Variants in CDH13 observed in about 807,000 individuals in gnomAD.
CDH13 encodes the protein cadherin-13.
In CDH13, 24 loss-of-function variants were observed where a neutral mutation model predicts 63.8. The ratio of observed to expected loss-of-function variants is 0.38; its 90% CI spans 0.27 to 0.53. CDH13 has a LOEUF of 0.53. Ranked by LOEUF, CDH13 falls within the 20% of genes least tolerant of loss-of-function variation. CDH13 has a pLI of 0.85. For missense variants in CDH13, 1,049 were observed against 903.1 expected, an observed-to-expected ratio of 1.16 and a Z score of -2.07; for synonymous variants, 503 against 355.3, an observed-to-expected ratio of 1.42 and a Z score of -4.67.
chr16:83,646,777 C>G (rs1463920685), intron 8 of CDH13, among the ~76,000 whole-genome samples: 1 of 149,006 alleles, frequency 6.7e-6, no homozygotes, highest in African/African-American at 2.5e-5. Context: ...TAGCTCAATT[C>G]TACCAAATTC....
rs201348377 is a variant in CDH13 at position 83,708,483 on chromosome 16, G to A, written c.1538+30022G>A. Among the ~76,000 whole-genome samples, 24 of 152,226 alleles carry A rather than the reference G, an allele frequency of 1.6e-4. No homozygotes were observed. In the East Asian group the frequency reaches 4.4e-3, roughly 28 times the overall value. ...CCTCAGCATGCTTTGTTCTCTTTCT[G>A]TCTTTTTCTGTCTAGGTTCTCTATC... On this transcript the variant is annotated intron_variant, in intron 10 of 13. Coordinates refer to ENST00000567109, the MANE Select transcript of CDH13 (RefSeq NM_001257.5).
chr16:82,676,279 C>T (rs1462169153), intron 1 of CDH13, among the ~76,000 whole-genome samples: 1 of 152,108 alleles, frequency 6.6e-6, no homozygotes, highest in Non-Finnish European at 1.5e-5. Context: ...TCCACGTTTT[C>T]CAATTTAGTG....
At chr16:82,963,407 G>C (rs1162587792) in intron 2 of CDH13, among the ~76,000 whole-genome samples, 1 of 152,072 alleles carries the variant, frequency 6.6e-6, no homozygotes, top group Non-Finnish European at 1.5e-5. Context: ...TAACTGGAAA[G>C]AAAGTACCAG....
intron 7 of CDH13, among the ~76,000 whole-genome samples, chr16:83,490,041 A>ACT (rs1408034712): frequency 5.6e-5 from 8 of 143,462 alleles, no homozygotes; most frequent in African/African-American, 1.8e-4. Context: ...ACACACACAC[A>ACT]CACACACAGC....
intron 2 of CDH13, among the ~76,000 whole-genome samples, chr16:82,946,195 G>C (rs1904696520): frequency 6.6e-6 from 1 of 151,640 alleles, no homozygotes; most frequent in East Asian, 1.9e-4. Flanking sequence ...TAGATGGATG[G>C]ATGGATGGAT....
At chr16:82,703,886 A>C (rs1297447453) in intron 1 of CDH13, among the ~76,000 whole-genome samples, 1 of 152,050 alleles carries the variant, frequency 6.6e-6, no homozygotes, top group East Asian at 1.9e-4. Flanking sequence ...ATGTAATCCT[A>C]CCCAGCTTCG....
Position 82,639,362 on chromosome 16 carries a change from C to T in CDH13, c.45+12225C>T, listed in dbSNP as rs558256631. The T allele has an allele frequency of 2.0e-6, 3 of 1,534,476 alleles. No individual in the cohort carries two copies. The African/African-American group carries it at 4.1e-5, about 21-fold the overall frequency. ...TCCATGTCCTTGCTTTTGACCAGGGCCAAACAACCCACCTGCACTGCATGG... is the reference window on the plus strand; with the variant it reads ...TCCATGTCCTTGCTTTTGACCAGGGTCAAACAACCCACCTGCACTGCATGG... On this transcript the variant is annotated intron_variant, in intron 1 of 13. Coordinates refer to ENST00000567109, the MANE Select transcript of CDH13 (RefSeq NM_001257.5).
intron 10 of CDH13, among the ~76,000 whole-genome samples, chr16:83,701,160 C>T (rs1376981562): frequency 1.3e-5 from 2 of 152,078 alleles, no homozygotes; most frequent in African/African-American, 4.8e-5. Flanking sequence ...GATGATAATT[C>T]ACTTTGTCAT....
intron 11 of CDH13, among the ~76,000 whole-genome samples, chr16:83,765,538 CTATA>C (rs71717215): frequency 0.63 from 94,236 of 150,732 alleles, 30,202 homozygotes; most frequent in Admixed American, 0.71. Flanking sequence ...TAACATTTTT[CTATA>C]TATATATATA....
At chr16:83,229,954 C>G (rs2151801644) in intron 5 of CDH13, among the ~76,000 whole-genome samples, 1 of 152,234 alleles carries the variant, frequency 6.6e-6, no homozygotes, top group Middle Eastern at 3.4e-3. Context: ...ATTCGTGTGA[C>G]TGGATAGTCA....
chr16:83,217,309 A>C (rs1230647307), intron 4 of CDH13, 36 bp from the exon 5 acceptor site: 2 of 1,610,994 alleles, frequency 1.2e-6, no homozygotes, highest in South Asian at 2.2e-5. Context: ...TGTGTTTTCC[A>C]GGCAGTTTTA....
At chr16:83,575,804 T>A (rs1242607139) in intron 7 of CDH13, among the ~76,000 whole-genome samples, 1 of 152,222 alleles carries the variant, frequency 6.6e-6, no homozygotes, top group Non-Finnish European at 1.5e-5. Context: ...TAAACTTATA[T>A]GATTAATATC....
intron 7 of CDH13, among the ~76,000 whole-genome samples, chr16:83,597,544 G>A (rs1285938049): frequency 6.6e-6 from 1 of 152,286 alleles, no homozygotes; most frequent in Non-Finnish European, 1.5e-5. Context: ...AGGTGGGGTT[G>A]GGCAAGGGTG....
chr16:83,731,298 C>T (rs1364719779), intron 10 of CDH13, among the ~76,000 whole-genome samples: 1 of 151,508 alleles, frequency 6.6e-6, no homozygotes. Context: ...ATAAGAGTTC[C>T]CTTTTCTCTG....
intron 4 of CDH13, among the ~76,000 whole-genome samples, chr16:83,156,635 G>C (rs1000778192): frequency 6.6e-6 from 1 of 152,154 alleles, no homozygotes; most frequent in East Asian, 1.9e-4. Flanking sequence ...GCCCCTAATA[G>C]GACTACATCA....
rs892096738 is a variant in CDH13 at position 82,644,992 on chromosome 16, TG to T, written c.45+17856del. Among the ~76,000 whole-genome samples, 47 of 152,326 alleles carry T rather than the reference TG, an allele frequency of 3.1e-4. No individual in the cohort carries two copies. Among genetic ancestry groups the T allele is most frequent in the African/African-American group, 1.1e-3 (45 of 41,574 alleles). On this transcript the variant is annotated intron_variant, in intron 1 of 13. Coordinates refer to ENST00000567109, the MANE Select transcript of CDH13 (RefSeq NM_001257.5). The surrounding 1 kb of genome is among the most constrained non-coding windows in gnomAD (Gnocchi z 5.7). ...TAGAGAAGTGGACCAGATTGGGTTT[TG>T]TTTTTTCACAAATGAAAGTCTCTGA...
At chr16:83,382,036 G>T (rs1299691272) in intron 6 of CDH13, among the ~76,000 whole-genome samples, 1 of 152,178 alleles carries the variant, frequency 6.6e-6, no homozygotes, top group Non-Finnish European at 1.5e-5. Context: ...TTAGAGCATG[G>T]GTCCCATAAT....
chr16:82,636,588 A>G (rs1908683439), intron 1 of CDH13, among the ~76,000 whole-genome samples: 1 of 152,212 alleles, frequency 6.6e-6, no homozygotes, highest in South Asian at 2.1e-4. Context: ...TTCTACCCTC[A>G]GCAATCGCTT....
intron 6 of CDH13, among the ~76,000 whole-genome samples, chr16:83,389,902 A>G (rs1342588576): frequency 2.0e-5 from 3 of 152,234 alleles, no homozygotes; most frequent in Non-Finnish European, 2.9e-5. Flanking sequence ...ACAGGGTCTG[A>G]TAACATCAAA....
Sources: gnomAD v4.1 joint callset for allele counts (sites outside exome capture counted in the v4.1 genomes callset) on GRCh38, gnomAD v4.1.1 for gene constraint, Gnocchi (gnomAD v3.1) non-coding constraint, MANE v1.5 for transcripts, NCBI Gene and HGNC (gene_info 2026-07-23, HGNC 2026-07-21) for gene names.